LRP6: variants seen among roughly 807,000 people sequenced by gnomAD.
LRP6 encodes the protein LDL receptor related protein 6.
LRP6 carries 43 observed loss-of-function variants against 184.1 expected under a neutral mutation model. That is an observed-to-expected ratio of 0.23 (90% CI 0.18 to 0.30). The LOEUF (loss-of-function observed/expected upper bound fraction) is 0.30. Among genes scored for constraint, LRP6 ranks in the 10% least tolerant of loss-of-function variants. The pLI, the probability that LRP6 is intolerant of heterozygous loss-of-function variation, is 1.00. For missense variants in LRP6, 1,571 were observed against 2,005.3 expected (o/e 0.78, Z 4.14); for synonymous variants, 719 against 684.9 (o/e 1.05, Z -0.78).
Position 12,121,004 on chromosome 12 carries a change from A to C in LRP6, c.*122T>G, listed in dbSNP as rs2136827124. Reference sequence around the variant, plus strand: ...TCCAGTATTCCCTACCCCATTTTATAATTTTAACTGTACATGGTCTGCCTC... The same window carrying C: ...TCCAGTATTCCCTACCCCATTTTATCATTTTAACTGTACATGGTCTGCCTC... On this transcript the variant is annotated 3_prime_UTR_variant, in exon 23 of 23. Transcript: ENST00000261349. The C allele has an allele frequency of 1.3e-6, 1 of 761,916 alleles. No individual in the cohort carries two copies. The highest frequency in any genetic ancestry group is 2.7e-5 in the East Asian group (1 of 36,570). The allele number at this position is 761,916 out of a possible 1,614,324, so 47.2% of individuals were successfully genotyped here.
At chr12:12,241,094 G>A (rs763788492) in intron 2 of LRP6, among the ~76,000 whole-genome samples, 17 of 152,078 alleles carry the variant, frequency 1.1e-4, no homozygotes, top group Non-Finnish European at 1.5e-4. Flanking sequence ...CCATACATCC[G>A]AAAGCACACA....
In LRP6 at chr12:12,261,856, G is replaced by A. The variant is rs373612428; in HGVS notation, c.55+4825C>T. On this transcript the variant is annotated intron_variant, in intron 1 of 22. Transcript: ENST00000261349. The stretch of plus-strand genomic sequence containing the variant: ...GATCGCTTCTACAGAAATACAAGAT[G>A]CAAAACATTAGTGGTTTGTTCCAAC... Among the ~76,000 whole-genome samples the A allele has an allele frequency of 1.4e-4, 22 of 152,254 alleles. No individual in the cohort carries two copies. In the East Asian group the frequency reaches 1.9e-3, roughly 13 times the overall value.
intron 2 of LRP6, among the ~76,000 whole-genome samples, chr12:12,234,065 G>A (rs1374140006): frequency 6.6e-6 from 1 of 152,080 alleles, no homozygotes; most frequent in Non-Finnish European, 1.5e-5. Flanking sequence ...CGAGGCAGGC[G>A]GATCACAAGG....
intron 3 of LRP6, among the ~76,000 whole-genome samples, chr12:12,190,972 T>C (rs530994806): frequency 1.2e-4 from 19 of 152,278 alleles, no homozygotes; most frequent in African/African-American, 4.1e-4. Flanking sequence ...AGATACAAAA[T>C]GGTAGAGAAA....
At chr12:12,248,971 C>T in intron 1 of LRP6, 1 of 504,990 alleles carries the variant, frequency 2.0e-6, no homozygotes, top group Non-Finnish European at 3.5e-6. Context: ...TTAAAGTTCA[C>T]AAGCAACAGC....
chr12:12,127,369 C>T (rs997183968), intron 19 of LRP6, among the ~76,000 whole-genome samples: 2 of 152,118 alleles, frequency 1.3e-5, no homozygotes, highest in African/African-American at 4.8e-5. Flanking sequence ...AATGTTTTAC[C>T]TGGAATGGTG....
At chr12:12,255,162 A>G (rs1256827600) in intron 1 of LRP6, among the ~76,000 whole-genome samples, 1 of 152,204 alleles carries the variant, frequency 6.6e-6, no homozygotes, top group Non-Finnish European at 1.5e-5. Flanking sequence ...ACAATTGCCC[A>G]TTACTTACTC....
rs1035333144 is a variant in LRP6, at chr12:12,117,195, T to C, written c.*3931A>G. ...AGGCTTAAGAAATACCAAATAAAAT[T>C]AAATTCCTTGGGTTTAAGAATTCTG... On this transcript the variant is annotated 3_prime_UTR_variant, in exon 23 of 23. Coordinates refer to ENST00000261349, the MANE Select transcript of LRP6 (RefSeq NM_002336.3). The C allele has an allele frequency of 6.6e-6, 1 of 152,244 alleles. No homozygotes were observed. The highest frequency in any genetic ancestry group is 6.5e-5 in the Admixed American group (1 of 15,282). 9.4% of individuals were successfully genotyped at this position (152,244 alleles called of 1,614,324 possible). A position where few individuals can be genotyped will look rare whatever the true frequency, so the allele number is the denominator to read the frequency against.
chr12:12,121,078 A>T lies in LRP6; in HGVS notation c.*48T>A. 6.6e-7 allele frequency: 1 copy of T among 1,516,286 alleles called. No individual in the cohort carries two copies. Among genetic ancestry groups the T allele is most frequent in the Non-Finnish European group, 8.9e-7 (1 of 1,127,952 alleles). 93.9% of individuals were successfully genotyped at this position (1,516,286 alleles called of 1,614,324 possible). A position where few individuals can be genotyped will look rare whatever the true frequency, so the allele number is the denominator to read the frequency against. On this transcript the variant is annotated 3_prime_UTR_variant, in exon 23 of 23. Transcript: ENST00000261349. ...CCCCCTCCAGATCTCAACCAAATTT[A>T]TATTTACATTTTTACGTTGGAGGCA...
intron 1 of LRP6, among the ~76,000 whole-genome samples, chr12:12,264,311 A>G (rs147729447): frequency 3.9e-4 from 60 of 152,294 alleles, no homozygotes; most frequent in African/African-American, 1.3e-3. Context: ...GTCAGGTATC[A>G]TTATCCACAC....
intron 2 of LRP6, among the ~76,000 whole-genome samples, chr12:12,220,546 G>A (rs2135869018): frequency 6.6e-6 from 1 of 151,476 alleles, no homozygotes; most frequent in African/African-American, 2.4e-5. Flanking sequence ...TATGATTAAA[G>A]TAGAGGGATT....
chr12:12,244,546 C>T lies in LRP6; in HGVS notation c.165G>A (p.Ala55=), dbSNP rs764869820. 7 of 1,614,186 alleles carry T rather than the reference C, an allele frequency of 4.3e-6. No homozygotes were observed. In the South Asian group the frequency reaches 7.7e-5, roughly 18 times the overall value. The stretch of plus-strand genomic sequence containing the variant: ...AGCCATGACTAAACACAAAGTCCAC[C>T]GCAGCTGCATCCTCCAAGCCTCCAA... ...IVVGGLEDAA[A]VDFVFSHGLI... The change falls in exon 2 of 23, where the codon GCG becomes GCA. Residue 55 remains alanine (A), a synonymous_variant. Coordinates refer to ENST00000261349, the MANE Select transcript of LRP6 (RefSeq NM_002336.3).
chr12:12,252,154 A>C (rs901678988), intron 1 of LRP6, among the ~76,000 whole-genome samples: 113 of 152,054 alleles, frequency 7.4e-4, no homozygotes, highest in African/African-American at 2.6e-3. Context: ...CAAAGCACTG[A>C]GATTACAGGC....
chr12:12,142,061 A>T (rs1005479122), intron 15 of LRP6, among the ~76,000 whole-genome samples: 1 of 152,212 alleles, frequency 6.6e-6, no homozygotes, highest in African/African-American at 2.4e-5. Context: ...AAAATCAAGA[A>T]ATAGCATTTT....
intron 2 of LRP6, among the ~76,000 whole-genome samples, chr12:12,231,681 G>A (rs925042484): frequency 1.3e-5 from 2 of 151,456 alleles, no homozygotes; most frequent in Non-Finnish European, 2.9e-5. Flanking sequence ...CCCAGGAAAC[G>A]GTTTTTTTTT....
rs1949556494 is a variant in LRP6, at chr12:12,118,929, C to T, written c.*2197G>A. 1 of 152,238 alleles carries T rather than the reference C, an allele frequency of 6.6e-6. No homozygotes were observed. The highest frequency in any genetic ancestry group is 1.5e-5 in the Non-Finnish European group (1 of 68,038). The allele number at this position is 152,238 out of a possible 1,614,324, so 9.4% of individuals were successfully genotyped here. ...ATGGGAAGCCCACCAGATCAAGATG[C>T]ACATTTAAATATGTAAACATATAGA... On this transcript the variant is annotated 3_prime_UTR_variant, in exon 23 of 23. Coordinates refer to ENST00000261349, the MANE Select transcript of LRP6 (RefSeq NM_002336.3).
Position 12,119,301 on chromosome 12 carries a change from T to C in LRP6, c.*1825A>G, listed in dbSNP as rs1285338565. On this transcript the variant is annotated 3_prime_UTR_variant, in exon 23 of 23. Coordinates refer to ENST00000261349, the MANE Select transcript of LRP6 (RefSeq NM_002336.3). The stretch of plus-strand genomic sequence containing the variant: ...AATTCTGAATCCTTTCTTCCACTGT[T>C]TTCTCTTGGGCCCTGAAACCCAGAG... The C allele has an allele frequency of 6.6e-6, 1 of 152,154 alleles. No individual in the cohort carries two copies. Among genetic ancestry groups the C allele is most frequent in the Non-Finnish European group, 1.5e-5 (1 of 68,018 alleles). The allele number at this position is 152,154 out of a possible 1,614,324, so 9.4% of individuals were successfully genotyped here.
intron 1 of LRP6, among the ~76,000 whole-genome samples, chr12:12,252,994 G>T (rs1865361475): frequency 6.6e-6 from 1 of 152,190 alleles, no homozygotes; most frequent in Non-Finnish European, 1.5e-5. Flanking sequence ...GCTGGGCGCA[G>T]TTGCTCACAC....
chr12:12,201,751 T>C (rs1863918928), intron 3 of LRP6, among the ~76,000 whole-genome samples: 2 of 152,180 alleles, frequency 1.3e-5, no homozygotes, highest in African/African-American at 2.4e-5. Flanking sequence ...ACAGCCAGAT[T>C]TGAGGTCAAA....
Sources: allele counts gnomAD v4.1 joint callset (sites outside exome capture counted in the v4.1 genomes callset), GRCh38; gene constraint gnomAD v4.1.1; transcripts MANE v1.5; gene names NCBI Gene and HGNC (gene_info 2026-07-23, HGNC 2026-07-21).